The following KMT2D variants were observed in gnomAD, a reference collection of about 807,000 sequenced individuals.
KMT2D encodes the protein lysine methyltransferase 2D.
KMT2D carries 55 observed loss-of-function variants against 512.7 expected under a neutral mutation model. The observed-to-expected ratio is 0.11, with a 90% CI of 0.09 to 0.13. The LOEUF (loss-of-function observed/expected upper bound fraction) is 0.13, where lower values mean the gene tolerates loss of function less well. Ranked by LOEUF, KMT2D falls within the 10% of genes least tolerant of loss-of-function variation. The pLI, the probability that KMT2D is intolerant of heterozygous loss-of-function variation, is 1.00. For missense variants in KMT2D, 6,061 were observed against 7,127.9 expected, an observed-to-expected ratio of 0.85 and a Z score of 5.39; for synonymous variants, 2,995 against 2,904.0, an observed-to-expected ratio of 1.03 and a Z score of -1.01.
Position 49,024,510 on chromosome 12 carries a change from T to C in KMT2D, c.16052+68A>G, listed in dbSNP as rs1443255762. On this transcript the variant is annotated intron_variant, in intron 51 of 54. Transcript: ENST00000301067. This position sits in a 1 kb window ranked among gnomAD's most constrained non-coding sequence, Gnocchi z 4.5. Reference sequence around the variant, plus strand: ...CTCTGATCTGTATCCTAAATCCTCATAATGGGACCAGAGGATCCCTGTCAA... The same window carrying C: ...CTCTGATCTGTATCCTAAATCCTCACAATGGGACCAGAGGATCCCTGTCAA... The C allele has an allele frequency of 5.4e-5, 82 of 1,529,898 alleles. No homozygotes were observed. In the East Asian group the frequency reaches 1.8e-3, roughly 34 times the overall value. The allele number at this position is 1,529,898 out of a possible 1,614,324, so 94.8% of individuals were successfully genotyped here.
intron 37 of KMT2D, 48 bp from the exon 38 acceptor site, chr12:49,034,524 T>C (rs1943123931): frequency 6.2e-7 from 1 of 1,611,488 alleles, no homozygotes; most frequent in Non-Finnish European, 8.5e-7. Flanking sequence ...TGCTAGGCCC[T>C]AAGAAGGGTG....
In KMT2D at chr12:49,039,114, A is replaced by G. The variant is rs1477966247; in HGVS notation, c.8366+108T>C. On this transcript the variant is annotated intron_variant, in intron 34 of 54. Transcript: ENST00000301067. This position sits in a 1 kb window ranked among gnomAD's most constrained non-coding sequence, Gnocchi z 5.0. ...GAGAAAAGGAATGAGGAAGAAGAGA[A>G]AGTGATACTGGAAAAGGATTAGTGA... 3 of 1,529,348 alleles carry G rather than the reference A, an allele frequency of 2.0e-6. No homozygotes were observed. Among genetic ancestry groups the G allele is most frequent in the Non-Finnish European group, 2.7e-6 (3 of 1,109,752 alleles). The allele number at this position is 1,529,348 out of a possible 1,614,324, so 94.7% of individuals were successfully genotyped here.
In KMT2D at chr12:49,041,390, C is replaced by T. The variant is rs762358917; in HGVS notation, c.6380G>A (p.Gly2127Asp). 8.7e-6 allele frequency: 14 copies of T among 1,603,312 alleles called. No individual in the cohort carries two copies. The highest frequency in any genetic ancestry group is 1.7e-4 in the Middle Eastern group (1 of 6,014). Residue 2127 changes from glycine to aspartate, a missense_variant, in exon 32 of 55, where the codon GGC (glycine) becomes GAC (aspartate). Gly to Asp is a moderately conservative substitution (Grantham distance 94, BLOSUM62 -1). Around this residue, in one of 16 missense-constraint regions of KMT2D, gnomAD observed 710 missense variants for 647.3 expected, o/e 1.10. Transcript: ENST00000301067. The surrounding 1 kb of genome is among the most constrained non-coding windows in gnomAD (Gnocchi z 5.4). ...PPAAAPTIFI[G>D]SPTTPAGLST... is the part of the protein sequence containing the mutation. Reference sequence around the variant, plus strand: ...CAAGCCGGCGGGGGTAGTGGGGCTGCCAATGAAAATGGTGGGGGCAGCAGC... The same window carrying T: ...CAAGCCGGCGGGGGTAGTGGGGCTGTCAATGAAAATGGTGGGGGCAGCAGC...
In KMT2D at chr12:49,051,104, A is replaced by G. The variant is rs775496424; in HGVS notation, c.2579T>C (p.Leu860Pro). 12 of 1,521,404 alleles carry G rather than the reference A, an allele frequency of 7.9e-6. No homozygotes were observed. The highest frequency in any genetic ancestry group is 1.8e-4 in the Middle Eastern group (1 of 5,610). 94.2% of individuals were successfully genotyped at this position (1,521,404 alleles called of 1,614,324 possible). A position where few individuals can be genotyped will look rare whatever the true frequency, so the allele number is the denominator to read the frequency against. ...AGGGGGCTTTTCAGGCCGAGGGGAC[A>G]GGGGTGGCTTCTCAAGCTCAGGGGA... ...HLSPELEKPP[L>P]SPRPEKPPEE... The change falls in exon 11 of 55, where the codon CTG becomes CCG. Residue 860 changes from leucine (L) to proline (P), a missense_variant. Coordinates refer to ENST00000301067, the MANE Select transcript of KMT2D (RefSeq NM_003482.4).
Position 49,039,085 on chromosome 12 carries a change from G to A in KMT2D, c.8367-96C>T. The A allele has an allele frequency of 6.6e-7, 1 of 1,518,290 alleles. No homozygotes were observed. The highest frequency in any genetic ancestry group is 9.1e-7 in the Non-Finnish European group (1 of 1,100,918). 94.1% of individuals were successfully genotyped at this position (1,518,290 alleles called of 1,614,324 possible). ...TGAGGAAGGATAGAATTAATGCAGT[G>A]AGGGAGAAAAGGAATGAGGAAGAAG... On this transcript the variant is annotated intron_variant, in intron 34 of 54. Coordinates refer to ENST00000301067, the MANE Select transcript of KMT2D (RefSeq NM_003482.4). The surrounding 1 kb of genome is among the most constrained non-coding windows in gnomAD (Gnocchi z 5.0).
intron 46 of KMT2D, among the ~76,000 whole-genome samples, chr12:49,028,538 T>C (rs2120382988): frequency 6.6e-6 from 1 of 152,202 alleles, no homozygotes; most frequent in Non-Finnish European, 1.5e-5. Context: ...GCTGACAGAG[T>C]CCCACCAAAC....
At chr12:49,036,656 C>T (rs1487074076) in intron 35 of KMT2D, among the ~76,000 whole-genome samples, 1 of 151,878 alleles carries the variant, frequency 6.6e-6, no homozygotes, top group Non-Finnish European at 1.5e-5. Flanking sequence ...GCCCGGCTCA[C>T]ACCCAGCTAA....
chr12:49,047,288 C>T (rs1461944062), intron 15 of KMT2D, among the ~76,000 whole-genome samples: 1 of 151,956 alleles, frequency 6.6e-6, no homozygotes, highest in African/African-American at 2.4e-5. Context: ...CCAATGATCT[C>T]TGCTGATCAG....
chr12:49,038,945 T>A lies in KMT2D; in HGVS notation c.8411A>T (p.Tyr2804Phe), dbSNP rs1352296082. ...GSQAFYQRAP[Y>F]PGSLPLQQQQ... ...CTGCTGTAAGGGCAGGGACCCAGGA[T>A]AGGGTGCTCGCTGATAGAAAGCTTG... The change falls in exon 35 of 55, where the codon TAT (tyrosine) becomes TTT (phenylalanine). Residue 2804 changes from tyrosine to phenylalanine, a missense_variant. Transcript: ENST00000301067. This position sits in a 1 kb window ranked among gnomAD's most constrained non-coding sequence, Gnocchi z 5.7. The A allele has an allele frequency of 3.9e-6, 6 of 1,551,610 alleles. No individual in the cohort carries two copies. Among genetic ancestry groups the A allele is most frequent in the South Asian group, 1.2e-5 (1 of 84,078 alleles).
chr12:49,028,698 C>T lies in KMT2D; in HGVS notation c.14382+130G>A. ...TTACCCGAATCTCACAGCCTCTAGC[C>T]CAGGCTTTCACATACAATAGGTACT... On this transcript the variant is annotated intron_variant, in intron 46 of 54. Transcript: ENST00000301067. 6 of 1,234,668 alleles carry T rather than the reference C, an allele frequency of 4.9e-6. No homozygotes were observed. The Middle Eastern group carries it at 1.2e-3, about 237-fold the overall frequency. 76.5% of individuals were successfully genotyped at this position (1,234,668 alleles called of 1,614,324 possible).
rs780452605 is a variant in KMT2D at position 49,044,526 on chromosome 12, C to G, written c.4964-4G>C. ...CACTCCATGTGCTCCACACCACCTGCGTATGGTGACAGAAGAGATGGAGGC... is the reference window on the plus strand; with the variant it reads ...CACTCCATGTGCTCCACACCACCTGGGTATGGTGACAGAAGAGATGGAGGC... On this transcript the variant is annotated splice_region_variant and splice_polypyrimidine_tract_variant and intron_variant, in intron 20 of 54. Coordinates refer to ENST00000301067, the MANE Select transcript of KMT2D (RefSeq NM_003482.4). This position sits in a 1 kb window ranked among gnomAD's most constrained non-coding sequence, Gnocchi z 6.4. The G allele has an allele frequency of 6.2e-7, 1 of 1,613,606 alleles. No homozygotes were observed. Among genetic ancestry groups the G allele is most frequent in the Admixed American group, 1.7e-5 (1 of 59,962 alleles).
At chr12:49,027,666 G>A (rs961110073) in intron 48 of KMT2D, 137 bp downstream of exon 48, 10 of 1,096,570 alleles carry the variant, frequency 9.1e-6, no homozygotes, top group African/African-American at 1.6e-5. Context: ...TGTTGGCCAG[G>A]CTGGTCTCAA....
rs182887940 is a variant in KMT2D, at chr12:49,042,324, G to A, written c.5874C>T (p.Arg1958=). Reference sequence around the variant, plus strand: ...CGGGTTCCGGGCTAAAGAAGCCCCCGCGCTCCCTGGGGCGCAGGGGCAGAG... The same window carrying A: ...CGGGTTCCGGGCTAAAGAAGCCCCCACGCTCCCTGGGGCGCAGGGGCAGAG... ...CQSPFLDSRE[R]GGFFSPEPGE... Residue 1958 remains arginine (R), a synonymous_variant, in exon 29 of 55, where the codon CGC becomes CGT. Coordinates refer to ENST00000301067, the MANE Select transcript of KMT2D (RefSeq NM_003482.4). The surrounding 1 kb of genome is among the most constrained non-coding windows in gnomAD (Gnocchi z 4.4). The A allele has an allele frequency of 1.7e-3, 2,595 of 1,533,872 alleles. 30 individuals are homozygous for A. The highest frequency in any genetic ancestry group is 0.014 in the South Asian group (1,184 of 82,270).
chr12:49,051,645 T>C lies in KMT2D; in HGVS notation c.2038A>G (p.Thr680Ala). The change falls in exon 11 of 55, where the codon ACG becomes GCG. Residue 680 changes from threonine to alanine, a missense_variant. Around this residue, in one of 16 missense-constraint regions of KMT2D, gnomAD observed 848 missense variants for 838.5 expected, o/e 1.01. Transcript: ENST00000301067. ...CGTGAAGCCTCAGGTGGAGGGGACG[T>C]GGGAGACTCCTCAGGCGGTGGGGAC... is the stretch of plus-strand genomic sequence containing the variant. ...PLSPPPEESP[T>A]SPPPEASRLS... 7.1e-7 allele frequency: 1 copy of C among 1,404,484 alleles called. No individual in the cohort carries two copies. The highest frequency in any genetic ancestry group is 1.3e-5 in the South Asian group (1 of 77,838). The allele number at this position is 1,404,484 out of a possible 1,614,324, so 87.0% of individuals were successfully genotyped here.
Position 49,041,208 on chromosome 12 carries a change from G to A in KMT2D, c.6562C>T (p.Arg2188Cys), listed in dbSNP as rs780952932. 140 of 1,512,256 alleles carry A rather than the reference G, an allele frequency of 9.3e-5. No individual in the cohort carries two copies. The highest frequency in any genetic ancestry group is 3.4e-4 in the East Asian group (15 of 43,810). 93.7% of individuals were successfully genotyped at this position (1,512,256 alleles called of 1,614,324 possible). A position where few individuals can be genotyped will look rare whatever the true frequency, so the allele number is the denominator to read the frequency against. Residue 2188 changes from arginine to cysteine, a missense_variant, in exon 32 of 55, where the codon CGC becomes TGC. Physicochemically the swap from Arg to Cys is radical, Grantham distance 180 (BLOSUM62 -3). Transcript: ENST00000301067. This position sits in a 1 kb window ranked among gnomAD's most constrained non-coding sequence, Gnocchi z 5.4. Reference protein sequence around the residue: ...GLAPAYPLEPRFPTAPPTYPP... With the variant: ...GLAPAYPLEPCFPTAPPTYPP... ...TAGGTGGGCGGTGCCGTGGGGAAGC[G>A]GGGCTCCAGGGGATAGGCAGGGGCC...
chr12:49,033,023 C>A lies in KMT2D; in HGVS notation c.11682G>T (p.Met3894Ile). Residue 3894 changes from methionine to isoleucine, a missense_variant, in exon 40 of 55, where the codon ATG becomes ATT. By Grantham distance (10) the Met-to-Ile change is conservative. Transcript: ENST00000301067. The stretch of plus-strand genomic sequence containing the variant: ...GCTGCTGAAGCTGCTGTAAAGAGCC[C>A]ATGGGCTGAGCGCTCAGTTTGGGCT... ...SGQPKLSAQP[M>I]GSLQQLQQQQ... The A allele has an allele frequency of 6.4e-7, 1 of 1,551,460 alleles. No homozygotes were observed. Among genetic ancestry groups the A allele is most frequent in the Non-Finnish European group, 8.7e-7 (1 of 1,146,960 alleles).
Position 49,060,596 on chromosome 12 carries a change from C to G in KMT2D, c.-1021G>C, listed in dbSNP as rs924858289. 1.3e-5 allele frequency among the ~76,000 whole-genome samples: 2 copies of G among 151,804 alleles called. No homozygotes were observed. The highest frequency in any genetic ancestry group is 1.9e-4 in the East Asian group (1 of 5,184). ...AGTGCAGCGCGGCGCCGCTCCGCCTCCCCCCCTCCGCCTCCTGTTCGGCCG... is the reference window on the plus strand; with the variant it reads ...AGTGCAGCGCGGCGCCGCTCCGCCTGCCCCCCTCCGCCTCCTGTTCGGCCG... On this transcript the variant is annotated 5_prime_UTR_variant, in exon 1 of 55. Transcript: ENST00000301067.
At position 49,051,272 on chromosome 12, in the gene KMT2D, A is replaced by G. The variant is rs1331655255; in HGVS notation, c.2411T>C (p.Leu804Ser). The change falls in exon 11 of 55, where the codon TTG becomes TCG. Residue 804 changes from leucine (L) to serine (S), a missense_variant. By Grantham distance (145) the Leu-to-Ser change is moderately radical. Around this residue, in one of 16 missense-constraint regions of KMT2D, gnomAD observed 848 missense variants for 838.5 expected, o/e 1.01. Coordinates refer to ENST00000301067, the MANE Select transcript of KMT2D (RefSeq NM_003482.4). ...GPHLSPQPEE[L>S]HLSPQTEEPH... is the part of the protein sequence containing the mutation. Reference sequence around the variant, plus strand: ...CTCCTCAGTCTGGGGGGACAGGTGCAATTCCTCAGGCTGAGGGGACAGATG... The same window carrying G: ...CTCCTCAGTCTGGGGGGACAGGTGCGATTCCTCAGGCTGAGGGGACAGATG... 2.7e-6 allele frequency: 4 copies of G among 1,459,620 alleles called. No individual in the cohort carries two copies. The highest frequency in any genetic ancestry group is 2.3e-5 in the Admixed American group (1 of 42,654). The allele number at this position is 1,459,620 out of a possible 1,614,324, so 90.4% of individuals were successfully genotyped here.
In KMT2D at chr12:49,048,784, G is replaced by A. The variant is rs1375675315; in HGVS notation, c.4021-15C>T. The A allele has an allele frequency of 6.7e-7, 1 of 1,501,750 alleles. No homozygotes were observed. Among genetic ancestry groups the A allele is most frequent in the Middle Eastern group, 1.7e-4 (1 of 5,730 alleles). The allele number at this position is 1,501,750 out of a possible 1,614,324, so 93.0% of individuals were successfully genotyped here. A position where few individuals can be genotyped will look rare whatever the true frequency, so the allele number is the denominator to read the frequency against. ...ATGTCAGCAACCTGATGGGCAGAGAGTTATGGAAAGTGAGGCAGATAAATC... is the reference window on the plus strand; with the variant it reads ...ATGTCAGCAACCTGATGGGCAGAGAATTATGGAAAGTGAGGCAGATAAATC... On this transcript the variant is annotated splice_polypyrimidine_tract_variant and intron_variant, in intron 13 of 54. Transcript: ENST00000301067.
Sources: gnomAD v4.1 joint callset for allele counts (sites outside exome capture counted in the v4.1 genomes callset) on GRCh38, gnomAD v4.1.1 for gene constraint, gnomAD v4.1.1 regional missense constraint, Gnocchi (gnomAD v3.1) non-coding constraint, MANE v1.5 for transcripts, NCBI Gene and HGNC (gene_info 2026-07-23, HGNC 2026-07-21) for gene names.